KRT76: variants seen among roughly 807,000 people sequenced by gnomAD.
KRT76 encodes keratin, type II cytoskeletal 2 oral.
In KRT76, 47 loss-of-function variants were observed where a neutral mutation model predicts 44.9. The observed-to-expected ratio is 1.05, with a 90% CI of 0.83 to 1.33. The LOEUF (loss-of-function observed/expected upper bound fraction) is 1.33. Ranked by LOEUF, KRT76 falls within the 40% of genes most tolerant of loss-of-function variation. The pLI is 0.00. For missense variants in KRT76, 860 were observed against 775.8 expected, an observed-to-expected ratio of 1.11 and a Z score of -1.29; for synonymous variants, 331 against 294.1, an observed-to-expected ratio of 1.13 and a Z score of -1.28.
In KRT76 at chr12:52,769,023, C is replaced by T. The variant is rs1461307471; in HGVS notation, c.1607G>A (p.Gly536Asp). ...FGGVSGSGSGGYKGGSSSSSS... is the reference protein window; with the variant it reads ...FGGVSGSGSGDYKGGSSSSSS... ...GCTGCTGCTGCTGCCGCCTTTGTAG[C>T]CACCACTGCCACTGCCACTGACCCC... The change falls in exon 9 of 9, where the codon GGC becomes GAC. Residue 536 changes from glycine (G) to aspartate (D), a missense_variant. Physicochemically the swap from Gly to Asp is moderately conservative, Grantham distance 94 (BLOSUM62 -1). Coordinates refer to ENST00000332411, the MANE Select transcript of KRT76 (RefSeq NM_015848.4). 1 of 801,402 alleles carries T rather than the reference C, an allele frequency of 1.2e-6. No homozygotes were observed. The highest frequency in any genetic ancestry group is 2.0e-5 in the Admixed American group (1 of 50,082). The allele number at this position is 801,402 out of a possible 1,614,324, so 49.6% of individuals were successfully genotyped here.
chr12:52,768,875 G>A lies in KRT76; in HGVS notation c.1755C>T (p.Leu585=), dbSNP rs139241871. ...TCACGGAGATGCTACCTGCACCGCC[G>A]AGCCTGCTCCCACTACTGCTGCTCT... ...SYQSSSSGSR[L]GGAGSISVSH... is the part of the protein sequence containing the mutation. The change falls in exon 9 of 9, where the codon CTC becomes CTT. Residue 585 remains leucine (L), a synonymous_variant. Coordinates refer to ENST00000332411, the MANE Select transcript of KRT76 (RefSeq NM_015848.4). 45 of 1,613,518 alleles carry A rather than the reference G, an allele frequency of 2.8e-5. No individual in the cohort carries two copies. The highest frequency in any genetic ancestry group is 4.5e-5 in the East Asian group (2 of 44,870).
Position 52,773,649 on chromosome 12 carries a change from C to T in KRT76, c.816-7G>A. On this transcript the variant is annotated splice_region_variant and splice_polypyrimidine_tract_variant and intron_variant, in intron 2 of 8. Coordinates refer to ENST00000332411, the MANE Select transcript of KRT76 (RefSeq NM_015848.4). Reference sequence around the variant, plus strand: ...GTTGATTTCATCTTCATACCTGGAACAAGAAGAGGCACACATTTGAACACT... The same window carrying T: ...GTTGATTTCATCTTCATACCTGGAATAAGAAGAGGCACACATTTGAACACT... 4 of 1,611,524 alleles carry T rather than the reference C, an allele frequency of 2.5e-6. No individual in the cohort carries two copies. Among genetic ancestry groups the T allele is most frequent in the Non-Finnish European group, 3.4e-6 (4 of 1,177,988 alleles).
chr12:52,775,652 G>A, intron 1 of KRT76, 50 bp from the exon 2 acceptor site: 2 of 1,451,526 alleles, frequency 1.4e-6, no homozygotes, highest in Non-Finnish European at 1.9e-6. Flanking sequence ...TTGGGCATGT[G>A]GGGCTGCCCA....
Position 52,775,509 on chromosome 12 carries a change from G to T in KRT76, c.694C>A (p.Pro232Thr), listed in dbSNP as rs753041037. 6.2e-7 allele frequency: 1 copy of T among 1,614,154 alleles called. No individual in the cohort carries two copies. The highest frequency in any genetic ancestry group is 1.1e-5 in the South Asian group (1 of 91,080). The change falls in exon 2 of 9, where the codon CCT (proline) becomes ACT (threonine). Residue 232 changes from proline (P) to threonine (T), a missense_variant. Transcript: ENST00000332411. ...TTGSGPSSLE[P>T]CFESYISFLC... ...AAGCTGATGTAGGATTCAAAACAAG[G>T]CTCCAGGCTGCTGGGCCCTGAGCCT...
chr12:52,768,852 A>C lies in KRT76; in HGVS notation c.1778T>G (p.Val593Gly), dbSNP rs770251885. The change falls in exon 9 of 9, where the codon GTG (valine) becomes GGG (glycine). Residue 593 changes from valine to glycine, a missense_variant. Coordinates refer to ENST00000332411, the MANE Select transcript of KRT76 (RefSeq NM_015848.4). ...GCTGGAGCCCATTCCACTGTGGCTC[A>C]CGGAGATGCTACCTGCACCGCCGAG... Reference protein sequence around the residue: ...SRLGGAGSISVSHSGMGSSSG... With the variant: ...SRLGGAGSISGSHSGMGSSSG... 1.2e-5 allele frequency: 19 copies of C among 1,613,784 alleles called. No homozygotes were observed. Among genetic ancestry groups the C allele is most frequent in the Non-Finnish European group, 1.7e-6 (2 of 1,179,962 alleles).
Position 52,777,099 on chromosome 12 carries a change from T to C in KRT76, c.193A>G (p.Lys65Glu), listed in dbSNP as rs766130047. The C allele has an allele frequency of 2.2e-5, 35 of 1,614,212 alleles. No homozygotes were observed. The highest frequency in any genetic ancestry group is 2.9e-5 in the Non-Finnish European group (34 of 1,180,036). ...GCTGCCACGCTGATGGAGATGCTCT[T>C]GTTGCTGCCCAGGTTGTAGAGGCTG... ...SRSLYNLGSN[K>E]SISISVAAGS... Residue 65 changes from lysine (K) to glutamate (E), a missense_variant, in exon 1 of 9, where the codon AAG becomes GAG. Physicochemically the swap from Lys to Glu is moderately conservative, Grantham distance 56. Coordinates refer to ENST00000332411, the MANE Select transcript of KRT76 (RefSeq NM_015848.4).
In KRT76 at chr12:52,777,121, G is replaced by C. The variant is rs775200433; in HGVS notation, c.171C>G (p.Ser57Arg). The C allele has an allele frequency of 3.7e-6, 6 of 1,614,200 alleles. No homozygotes were observed. The highest frequency in any genetic ancestry group is 5.1e-6 in the Non-Finnish European group (6 of 1,180,040). The change falls in exon 1 of 9, where the codon AGC becomes AGG. Residue 57 changes from serine (S) to arginine (R), a missense_variant. Transcript: ENST00000332411. ...RSGAGSFGSR[S>R]LYNLGSNKSI... ...TCTTGTTGCTGCCCAGGTTGTAGAG[G>C]CTGCGACTGCCAAAGCTGCCTGCTC... is the stretch of plus-strand genomic sequence containing the variant.
intron 2 of KRT76, among the ~76,000 whole-genome samples, chr12:52,775,046 T>C (rs1939239044): frequency 1.3e-5 from 2 of 152,208 alleles, no homozygotes. Flanking sequence ...AAGACTGGAA[T>C]ACAGGAATAC....
chr12:52,769,558 C>T lies in KRT76; in HGVS notation c.1510G>A (p.Val504Met), dbSNP rs750779961. The change falls in exon 8 of 9, where the codon GTG becomes ATG. Residue 504 changes from valine (V) to methionine (M), a missense_variant. Physicochemically the swap from Val to Met is conservative, Grantham distance 21 (BLOSUM62 1). Transcript: ENST00000332411. ...CRMSGECQSA[V>M]CISVVSNVTS... ...TGAATGGGCTACTTACAAATGCACA[C>T]GGCACTCTGACATTCTCCAGACATC... is the stretch of plus-strand genomic sequence containing the variant. 24 of 1,613,610 alleles carry T rather than the reference C, an allele frequency of 1.5e-5. No individual in the cohort carries two copies. The highest frequency in any genetic ancestry group is 2.2e-5 in the South Asian group (2 of 91,066).
Position 52,768,770 on chromosome 12 carries a change from G to T in KRT76, c.1860C>A (p.Ser620Arg). ...GSGYKSGGGG[S>R]TSIRFSQTTS... The stretch of plus-strand genomic sequence containing the variant: ...TGGTCTGGGAGAAGCGGATACTGGT[G>T]CTGCCTCCACCACCAGACTTGTAGC... Residue 620 changes from serine to arginine, a missense_variant, in exon 9 of 9, where the codon AGC (serine) becomes AGA (arginine). By Grantham distance (110) the Ser-to-Arg change is moderately radical. Transcript: ENST00000332411. 1 of 1,612,460 alleles carries T rather than the reference G, an allele frequency of 6.2e-7. No individual in the cohort carries two copies. Among genetic ancestry groups the T allele is most frequent in the Non-Finnish European group, 8.5e-7 (1 of 1,178,656 alleles).
rs575246813 is a variant in KRT76 at position 52,773,567 on chromosome 12, T to A, written c.876+15A>T. On this transcript the variant is annotated intron_variant, in intron 3 of 8. Coordinates refer to ENST00000332411, the MANE Select transcript of KRT76 (RefSeq NM_015848.4). ...CAGAAAGGAAACCTGGATATGCTGG[T>A]CCAGGCTCACCTACCTTCTTGAGCC... The A allele has an allele frequency of 6.2e-7, 1 of 1,606,808 alleles. No individual in the cohort carries two copies. Among genetic ancestry groups the A allele is most frequent in the Non-Finnish European group, 8.5e-7 (1 of 1,174,264 alleles).
rs1438344404 is a variant in KRT76, at chr12:52,769,036, T to C, written c.1594A>G (p.Ser532Gly). The C allele has an allele frequency of 3.9e-6, 3 of 766,998 alleles. No individual in the cohort carries two copies. The highest frequency in any genetic ancestry group is 5.3e-5 in the East Asian group (2 of 37,490). The allele number at this position is 766,998 out of a possible 1,614,324, so 47.5% of individuals were successfully genotyped here. A position where few individuals can be genotyped will look rare whatever the true frequency, so the allele number is the denominator to read the frequency against. ...CCGCCTTTGTAGCCACCACTGCCAC[T>C]GCCACTGACCCCTCCAAAAACTCCA... Reference protein sequence around the residue: ...SRGVFGGVSGSGSGGYKGGSS... With the variant: ...SRGVFGGVSGGGSGGYKGGSS... The change falls in exon 9 of 9, where the codon AGT becomes GGT. Residue 532 changes from serine to glycine, a missense_variant. Transcript: ENST00000332411.
In KRT76 at chr12:52,777,304, T is replaced by C. The variant is rs767190276; in HGVS notation, c.-13A>G. 6.2e-6 allele frequency: 10 copies of C among 1,613,746 alleles called. No individual in the cohort carries two copies. The highest frequency in any genetic ancestry group is 8.5e-6 in the Non-Finnish European group (10 of 1,179,816). On this transcript the variant is annotated 5_prime_UTR_variant, in exon 1 of 9. Coordinates refer to ENST00000332411, the MANE Select transcript of KRT76 (RefSeq NM_015848.4). ...CTTGTCTGTTCATAGTGAGAGAGCT[T>C]GGAGGCAAGCTAGTGATCACTTAGC...
chr12:52,771,438 G>T (rs1222333345), intron 6 of KRT76, among the ~76,000 whole-genome samples: 43 of 152,122 alleles, frequency 2.8e-4, no homozygotes, highest in Admixed American at 2.8e-3. Flanking sequence ...GCACTAATTT[G>T]CTTTCCTATG....
At chr12:52,772,279 T>C (rs752665059) in intron 4 of KRT76, 21 bp from the exon 5 acceptor site, 1 of 1,573,722 alleles carries the variant, frequency 6.4e-7, no homozygotes, top group Admixed American at 1.8e-5. Flanking sequence ...CATGGATAGT[T>C]ACTCTTACCA....
At position 52,776,263 on chromosome 12, in the gene KRT76, G is replaced by A. The variant is rs183835126; in HGVS notation, c.600+429C>T. Among the ~76,000 whole-genome samples, 476 of 152,314 alleles carry A rather than the reference G, an allele frequency of 3.1e-3. 2 individuals are homozygous for A. Among genetic ancestry groups the A allele is most frequent in the African/African-American group, 0.011 (458 of 41,562 alleles). On this transcript the variant is annotated intron_variant, in intron 1 of 8. Transcript: ENST00000332411. ...AAGCACAGCATCATCTGGAAGGTAA[G>A]GCAGCTGCCAATGCACCTCATTTAG...
intron 1 of KRT76, among the ~76,000 whole-genome samples, 182 bp from the exon 2 acceptor site, chr12:52,775,784 C>A (rs1359887952): frequency 6.6e-6 from 1 of 152,144 alleles, no homozygotes. Flanking sequence ...AGTGATTATG[C>A]CTTACCTGTT....
At chr12:52,776,620 C>T (rs1310759565) in intron 1 of KRT76, 72 bp downstream of exon 1, 1 of 1,610,610 alleles carries the variant, frequency 6.2e-7, no homozygotes, top group African/African-American at 1.3e-5. Flanking sequence ...CTCACAAGTC[C>T]CCATGGCATC....
chr12:52,774,302 C>G (rs1264131400), intron 2 of KRT76, among the ~76,000 whole-genome samples: 1 of 152,194 alleles, frequency 6.6e-6, no homozygotes, highest in Non-Finnish European at 1.5e-5. Flanking sequence ...TTCAAGGAGC[C>G]TGACCACTTG....
Sources: gnomAD v4.1 joint callset for allele counts (sites outside exome capture counted in the v4.1 genomes callset) on GRCh38, gnomAD v4.1.1 for gene constraint, MANE v1.5 for transcripts, NCBI Gene and HGNC (gene_info 2026-07-23, HGNC 2026-07-21) for gene names.